NINL: variants seen among roughly 807,000 people sequenced by gnomAD.
NINL encodes the protein ninein-like protein.
NINL carries 153 observed loss-of-function variants against 160.3 expected under a neutral mutation model. The observed-to-expected ratio is 0.95, with a 90% CI of 0.84 to 1.09. The LOEUF is 1.09. Among genes scored for constraint, NINL ranks in the 50% least tolerant of loss-of-function variants. The pLI is 0.00. For missense variants in NINL, 1,829 were observed against 1,764.0 expected (o/e 1.04, Z -0.66); for synonymous variants, 800 against 734.8 (o/e 1.09, Z -1.43).
At chr20:25,562,109 T>G (rs1319103844) in intron 1 of NINL, among the ~76,000 whole-genome samples, 1 of 136,582 alleles carries the variant, frequency 7.3e-6, no homozygotes, top group African/African-American at 2.8e-5. Flanking sequence ...AGCCGCCCCG[T>G]CCGGGAGGGA....
intron 1 of NINL, among the ~76,000 whole-genome samples, chr20:25,550,746 C>T (rs898002956): frequency 6.6e-6 from 1 of 152,200 alleles, no homozygotes; most frequent in Admixed American, 6.5e-5. Context: ...GTCTCACCTC[C>T]AGCCATAAGG....
intron 5 of NINL, among the ~76,000 whole-genome samples, chr20:25,506,550 C>A (rs1374297132): frequency 6.6e-6 from 1 of 152,188 alleles, no homozygotes; most frequent in African/African-American, 2.4e-5. Flanking sequence ...CAAAGATGTG[C>A]TGAATATACC....
At chr20:25,473,373 T>C (rs1311034192) in intron 17 of NINL, among the ~76,000 whole-genome samples, 1 of 151,738 alleles carries the variant, frequency 6.6e-6, no homozygotes, top group East Asian at 1.9e-4. Context: ...GGATCCACTT[T>C]GGGAGGCTGA....
chr20:25,543,124 G>A lies in NINL; in HGVS notation c.-11-16526C>T, dbSNP rs576002189. On this transcript the variant is annotated intron_variant, in intron 1 of 23. Coordinates refer to ENST00000278886, the MANE Select transcript of NINL (RefSeq NM_025176.6). ...AAGAAAAAAGTAAAATTATCTGTTT[G>A]TAGATGATACAATCTGTGTAGAAAA... 2.6e-5 allele frequency among the ~76,000 whole-genome samples: 4 copies of A among 152,152 alleles called. No individual in the cohort carries two copies. The South Asian group carries it at 8.3e-4, about 32-fold the overall frequency.
chr20:25,551,830 T>C (rs2064810159), intron 1 of NINL, among the ~76,000 whole-genome samples: 1 of 152,124 alleles, frequency 6.6e-6, no homozygotes, highest in African/African-American at 2.4e-5. Flanking sequence ...ACATTGTCAG[T>C]GTGAGATTTA....
intron 19 of NINL, among the ~76,000 whole-genome samples, chr20:25,466,281 CA>C (rs1179070240): frequency 6.6e-6 from 1 of 152,052 alleles, no homozygotes; most frequent in Non-Finnish European, 1.5e-5. Flanking sequence ...CTTGGCCTCC[CA>C]AAATGCAGGG....
chr20:25,471,478 C>G (rs2063092683), intron 17 of NINL, among the ~76,000 whole-genome samples: 1 of 152,130 alleles, frequency 6.6e-6, no homozygotes, highest in African/African-American at 2.4e-5. Context: ...TGATGCAAGG[C>G]CGAAAGCTGA....
intron 2 of NINL, among the ~76,000 whole-genome samples, chr20:25,524,610 G>T (rs1419627409): frequency 2.0e-5 from 3 of 152,204 alleles, no homozygotes; most frequent in South Asian, 2.1e-4. Flanking sequence ...CAGGGTGCGT[G>T]TGACAGGGTT....
chr20:25,531,014 C>A (rs759832510), intron 1 of NINL, among the ~76,000 whole-genome samples: 2 of 151,498 alleles, frequency 1.3e-5, no homozygotes, highest in Non-Finnish European at 2.9e-5. Flanking sequence ...GAGCTTATTT[C>A]ATCCCTACAG....
intron 2 of NINL, among the ~76,000 whole-genome samples, chr20:25,521,127 C>T (rs924065084): frequency 1.3e-5 from 2 of 152,230 alleles, no homozygotes; most frequent in Admixed American, 6.5e-5. Context: ...GACTTTCTCA[C>T]TCCATCTGTA....
In NINL at chr20:25,512,905, C is replaced by G; in HGVS notation, c.379G>C (p.Val127Leu). 6.2e-7 allele frequency: 1 copy of G among 1,614,204 alleles called. No individual in the cohort carries two copies. ...LCDAATEARR[V>L]PEQQTQASLK... ...CTGGCCTGGGTTTGCTGCTCCGGCA[C>G]GCGTCTGGCTTCTGTGGCAGCGTCA... The change falls in exon 4 of 24, where the codon GTG becomes CTG. Residue 127 changes from valine (V) to leucine (L), a missense_variant. Physicochemically the swap from Val to Leu is conservative, Grantham distance 32 (BLOSUM62 1). Coordinates refer to ENST00000278886, the MANE Select transcript of NINL (RefSeq NM_025176.6).
At chr20:25,457,958 C>G (rs1568828569) in intron 22 of NINL, among the ~76,000 whole-genome samples, 2 of 152,184 alleles carry the variant, frequency 1.3e-5, no homozygotes, top group Non-Finnish European at 2.9e-5. Context: ...GGCGGGATCC[C>G]ACCCTCCACA....
At position 25,491,411 on chromosome 20, in the gene NINL, G is replaced by A. The variant is rs763823437; in HGVS notation, c.1425C>T (p.Asp475=). 3.7e-6 allele frequency: 6 copies of A among 1,613,022 alleles called. No homozygotes were observed. The highest frequency in any genetic ancestry group is 2.7e-5 in the African/African-American group (2 of 74,934). The change falls in exon 11 of 24, where the codon GAC becomes GAT. Residue 475 remains aspartate (D), a synonymous_variant. Transcript: ENST00000278886. The stretch of plus-strand genomic sequence containing the variant: ...CCTCCTCAGCCTGCAGGCGCCCCAC[G>A]TCCCACTCCAGCGCGGCCCTCTGCC... The part of the protein sequence containing the change: ...AHRQRAALEW[D]VGRLQAEEAG...
chr20:25,490,114 G>T, intron 11 of NINL, 129 bp from the exon 12 acceptor site: 1 of 825,034 alleles, frequency 1.2e-6, no homozygotes, highest in Non-Finnish European at 2.0e-6. Flanking sequence ...CCGCAGGCGA[G>T]GCACCTGGTG....
chr20:25,479,860 A>G (rs929708787), intron 15 of NINL, among the ~76,000 whole-genome samples: 2 of 152,236 alleles, frequency 1.3e-5, no homozygotes, highest in Non-Finnish European at 2.9e-5. Context: ...TCCCACCCAC[A>G]GACCAGCAAG....
intron 17 of NINL, among the ~76,000 whole-genome samples, chr20:25,471,757 A>C (rs1274393455): frequency 6.6e-6 from 1 of 152,186 alleles, no homozygotes; most frequent in Non-Finnish European, 1.5e-5. Flanking sequence ...AGGGCCCTGG[A>C]AGGAGGTTCA....
chr20:25,521,420 G>A (rs751591936), intron 2 of NINL, among the ~76,000 whole-genome samples: 6 of 152,018 alleles, frequency 3.9e-5, no homozygotes, highest in African/African-American at 7.3e-5. Flanking sequence ...ACATATTTGC[G>A]GGTGTGCTTC....
intron 1 of NINL, among the ~76,000 whole-genome samples, chr20:25,545,123 A>G (rs1219583946): frequency 6.6e-6 from 1 of 152,190 alleles, no homozygotes; most frequent in African/African-American, 2.4e-5. Flanking sequence ...GTATTTACAC[A>G]TTCCTTTAAA....
intron 10 of NINL, among the ~76,000 whole-genome samples, chr20:25,496,419 A>G (rs2063753246): frequency 6.6e-6 from 1 of 152,228 alleles, no homozygotes; most frequent in Non-Finnish European, 1.5e-5. Context: ...GGCAGGAGGC[A>G]GGACCTCCTC....
Sources: gnomAD v4.1 joint callset for allele counts (sites outside exome capture counted in the v4.1 genomes callset) on GRCh38, gnomAD v4.1.1 for gene constraint, MANE v1.5 for transcripts, NCBI Gene and HGNC (gene_info 2026-07-23, HGNC 2026-07-21) for gene names.